The following ZNF274 variants were observed in gnomAD, a reference collection of about 807,000 sequenced individuals.
The protein encoded by ZNF274 is zinc finger protein 274.
A neutral mutation model predicts 42.5 loss-of-function variants in ZNF274; 23 were observed. That is an observed-to-expected ratio of 0.54 (90% confidence interval 0.39 to 0.77). The LOEUF is 0.77. Among genes scored for constraint, ZNF274 ranks in the 30% least tolerant of loss-of-function variants. The pLI, the probability that ZNF274 is intolerant of heterozygous loss-of-function variation, is 0.00. For synonymous variants in ZNF274, 292 were observed against 305.4 expected (o/e 0.96, Z 0.46); for missense variants, 679 against 806.5 (o/e 0.84, Z 1.91).
chr19:58,193,961 T>A (rs2146208563), intron 4 of ZNF274, among the ~76,000 whole-genome samples: 1 of 152,156 alleles, frequency 6.6e-6, no homozygotes, highest in East Asian at 1.9e-4. Context: ...TATATATCTA[T>A]ATCACATATG....
At chr19:58,203,676 C>T (rs939560594) in intron 4 of ZNF274, among the ~76,000 whole-genome samples, 1 of 151,790 alleles carries the variant, frequency 6.6e-6, no homozygotes, top group Non-Finnish European at 1.5e-5. Flanking sequence ...GAAGTAAGTC[C>T]CCAGAAGTCC....
chr19:58,188,247 A>G (rs2075722965), intron 4 of ZNF274, among the ~76,000 whole-genome samples: 1 of 152,026 alleles, frequency 6.6e-6, no homozygotes, highest in Non-Finnish European at 1.5e-5. Context: ...CTTTAAGGCC[A>G]GGCACAGTGG....
chr19:58,212,360 C>A lies in ZNF274; in HGVS notation c.1179C>A (p.Asp393Glu), dbSNP rs373235645. 15 of 1,613,824 alleles carry A rather than the reference C, an allele frequency of 9.3e-6. No individual in the cohort carries two copies. The highest frequency in any genetic ancestry group is 1.3e-5 in the Non-Finnish European group (15 of 1,179,892). ...LKQMESAQEK[D>E]LPQKKHFDNR... is the part of the protein sequence containing the mutation. ...AGATGGAGTCTGCTCAGGAAAAAGA[C>A]CTTCCTCAGAAGAAGCACTTTGACA... The change falls in exon 8 of 8, where the codon GAC (aspartate) becomes GAA (glutamate). Residue 393 changes from aspartate (D) to glutamate (E), a missense_variant. By Grantham distance (45) the Asp-to-Glu change is conservative. Transcript: ENST00000617501. The surrounding 1 kb of genome is among the most constrained non-coding windows in gnomAD (Gnocchi z 4.6).
intron 4 of ZNF274, among the ~76,000 whole-genome samples, chr19:58,192,751 A>AT (rs1291664746): frequency 6.6e-6 from 1 of 152,094 alleles, no homozygotes; most frequent in Non-Finnish European, 1.5e-5. Flanking sequence ...TCTTTTATAT[A>AT]TTTTTTTGAG....
intron 4 of ZNF274, among the ~76,000 whole-genome samples, chr19:58,203,883 G>A (rs1456361984): frequency 2.6e-5 from 4 of 152,212 alleles, no homozygotes; most frequent in African/African-American, 9.6e-5. Context: ...AAAATTTAAA[G>A]CGTGGCTCAG....
intron 4 of ZNF274, among the ~76,000 whole-genome samples, chr19:58,203,833 A>C (rs1269303895): frequency 6.6e-6 from 1 of 152,222 alleles, no homozygotes; most frequent in Non-Finnish European, 1.5e-5. Context: ...TAATCTTATC[A>C]AGAAGAAAAA....
At position 58,183,997 on chromosome 19, in the gene ZNF274, G is replaced by A. The variant is rs1188035311; in HGVS notation, c.32G>A (p.Cys11Tyr). ...TCCAGGCTTCCGACGGCCTGGTCCTGTGTGAGTAGAGGCTTCCTTCAGCTT... is the reference window on the plus strand; with the variant it reads ...TCCAGGCTTCCGACGGCCTGGTCCTATGTGAGTAGAGGCTTCCTTCAGCTT... MASRLPTAWS[C>Y]EPVTFEDVTL... is the part of the protein sequence containing the mutation. The change falls in exon 2 of 8, where the codon TGT (cysteine) becomes TAT (tyrosine). Residue 11 changes from cysteine to tyrosine, a missense_variant and splice_region_variant. Coordinates refer to ENST00000617501, the MANE Select transcript of ZNF274 (RefSeq NM_133502.3). 5.6e-6 allele frequency: 9 copies of A among 1,593,292 alleles called. No homozygotes were observed. The highest frequency in any genetic ancestry group is 7.7e-6 in the Non-Finnish European group (9 of 1,169,812).
chr19:58,196,433 G>T (rs183066631), intron 4 of ZNF274, among the ~76,000 whole-genome samples: 5 of 152,256 alleles, frequency 3.3e-5, no homozygotes, highest in East Asian at 1.9e-4. Context: ...ATGGTGGCGT[G>T]TGTCTATAGT....
chr19:58,205,496 C>T (rs1330249938), intron 4 of ZNF274, among the ~76,000 whole-genome samples: 2 of 152,130 alleles, frequency 1.3e-5, no homozygotes, highest in Non-Finnish European at 2.9e-5. Context: ...TGCCATCACA[C>T]CTGATTAATT....
rs748111113 is a variant in ZNF274, at chr19:58,211,542, A to G, written c.853-18A>G. The G allele has an allele frequency of 1.9e-6, 3 of 1,607,730 alleles. No individual in the cohort carries two copies. The highest frequency in any genetic ancestry group is 2.2e-5 in the East Asian group (1 of 44,744). On this transcript the variant is annotated intron_variant, in intron 6 of 7. Transcript: ENST00000617501. The surrounding 1 kb of genome is among the most constrained non-coding windows in gnomAD (Gnocchi z 4.8). ...TCTGACCCTCTTGCTGAGCATAGAC[A>G]CATATGTGATGTTACAGGAGCCAGT... is the stretch of plus-strand genomic sequence containing the variant.
chr19:58,202,993 G>A (rs2075932184), intron 4 of ZNF274, among the ~76,000 whole-genome samples: 2 of 152,098 alleles, frequency 1.3e-5, no homozygotes, highest in Admixed American at 6.5e-5. Context: ...GGGGTGGGGT[G>A]GAGTAGAAGA....
intron 4 of ZNF274, among the ~76,000 whole-genome samples, chr19:58,188,696 A>ATATATATATATATATATATATATATG (rs2075739978): frequency 2.2e-4 from 10 of 46,346 alleles, no homozygotes; most frequent in Non-Finnish European, 3.6e-4. Context: ...ATGTATATGT[A>ATATATATATATATATATATATATATG]TATATATATA....
At chr19:58,205,746 A>G (rs187884902) in intron 4 of ZNF274, among the ~76,000 whole-genome samples, 1,655 of 152,246 alleles carry the variant, frequency 0.011, 10 homozygotes, top group Non-Finnish European at 0.017. Context: ...CAGTTTAGCA[A>G]TGTGCTCTTG....
intron 2 of ZNF274, 81 bp downstream of exon 2, chr19:58,184,079 T>A (rs911309881): frequency 6.1e-6 from 9 of 1,473,678 alleles, no homozygotes; most frequent in Middle Eastern, 1.7e-4. Context: ...CCACCTTCCC[T>A]GAGATACCCC....
intron 4 of ZNF274, among the ~76,000 whole-genome samples, chr19:58,205,107 C>G (rs2075966842): frequency 1.3e-5 from 2 of 152,170 alleles, no homozygotes; most frequent in Admixed American, 1.3e-4. Flanking sequence ...TTTGGTGCCT[C>G]TATACCTATC....
intron 4 of ZNF274, among the ~76,000 whole-genome samples, chr19:58,188,688 GTATATGTATATATATATA>G (rs2075737121): frequency 1.9e-5 from 1 of 52,982 alleles, no homozygotes; most frequent in Non-Finnish European, 3.4e-5. Context: ...ATATATATAT[GTATATGTATATATATATA>G]TATATATATA....
intron 4 of ZNF274, among the ~76,000 whole-genome samples, chr19:58,199,288 C>G (rs1184024286): frequency 1.3e-5 from 2 of 151,916 alleles, no homozygotes; most frequent in Non-Finnish European, 2.9e-5. Flanking sequence ...ATTGATTGAA[C>G]CCGGGAGGCG....
At chr19:58,191,520 G>T (rs986853969) in intron 4 of ZNF274, among the ~76,000 whole-genome samples, 1 of 152,236 alleles carries the variant, frequency 6.6e-6, no homozygotes, top group African/African-American at 2.4e-5. Context: ...TCTTGGAGCT[G>T]AGGACTCATG....
chr19:58,212,867 A>G lies in ZNF274; in HGVS notation c.1686A>G (p.Pro562=). 1 of 1,614,042 alleles carries G rather than the reference A, an allele frequency of 6.2e-7. No homozygotes were observed. Among genetic ancestry groups the G allele is most frequent in the Non-Finnish European group, 8.5e-7 (1 of 1,179,900 alleles). Residue 562 remains proline (P), a synonymous_variant, in exon 8 of 8, where the codon CCA becomes CCG. Transcript: ENST00000617501. This position sits in a 1 kb window ranked among gnomAD's most constrained non-coding sequence, Gnocchi z 4.6. ...QHQRVHSGER[P]FECQECGRTF... ...AGAGAGTTCATTCTGGAGAGAGACC[A>G]TTTGAATGTCAGGAGTGTGGGAGGA...
Sources: allele counts gnomAD v4.1 joint callset (sites outside exome capture counted in the v4.1 genomes callset), GRCh38; gene constraint gnomAD v4.1.1; non-coding constraint Gnocchi (gnomAD v3.1); transcripts MANE v1.5; gene names NCBI Gene and HGNC (gene_info 2026-07-23, HGNC 2026-07-21).